CNIH3: variants seen among roughly 807,000 people sequenced by gnomAD.
CNIH3 encodes the protein protein cornichon homolog 3.
CNIH3 carries 14 observed loss-of-function variants against 24.1 expected under a neutral mutation model. That is an observed-to-expected ratio of 0.58 (90% CI 0.38 to 0.91). The LOEUF (loss-of-function observed/expected upper bound fraction) is 0.91. Ranked by LOEUF, CNIH3 falls within the 40% of genes least tolerant of loss-of-function variation. CNIH3 has a pLI of 0.00. For missense variants in CNIH3, 178 were observed against 196.8 expected, an observed-to-expected ratio of 0.90 and a Z score of 0.57; for synonymous variants, 68 against 73.8, an observed-to-expected ratio of 0.92 and a Z score of 0.40.
At chr1:224,669,843 A>G (rs183374287) in intron 1 of CNIH3, among the ~76,000 whole-genome samples, 1 of 152,314 alleles carries the variant, frequency 6.6e-6, no homozygotes, top group Admixed American at 6.5e-5. Flanking sequence ...CACCTTGCCC[A>G]TAGTCACACA....
intron 1 of CNIH3, among the ~76,000 whole-genome samples, chr1:224,453,459 GT>G (rs1163455296): frequency 1.7e-4 from 26 of 151,896 alleles, no homozygotes; most frequent in Admixed American, 1.7e-3. Flanking sequence ...AAGTGTTGGG[GT>G]TACAGACGTG....
chr1:224,619,755 TTGA>T (rs1409815665), intron 1 of CNIH3, among the ~76,000 whole-genome samples: 1 of 152,246 alleles, frequency 6.6e-6, no homozygotes, highest in African/African-American at 2.4e-5. Context: ...ACAAGGCATA[TTGA>T]TTGTGTGATA....
At chr1:224,436,065 T>C (rs1674649050) in intron 1 of CNIH3, among the ~76,000 whole-genome samples, 1 of 152,106 alleles carries the variant, frequency 6.6e-6, no homozygotes, top group South Asian at 2.1e-4. Flanking sequence ...AATCCTGAGG[T>C]TTATGGATCC....
chr1:224,652,713 A>G (rs1323008618), intron 1 of CNIH3, among the ~76,000 whole-genome samples: 1 of 152,198 alleles, frequency 6.6e-6, no homozygotes, highest in Non-Finnish European at 1.5e-5. Flanking sequence ...AGGGGGCTCC[A>G]CAGATGCCCA....
chr1:224,655,269 C>T (rs945513769), intron 1 of CNIH3, among the ~76,000 whole-genome samples: 1 of 152,066 alleles, frequency 6.6e-6, no homozygotes, highest in Non-Finnish European at 1.5e-5. Flanking sequence ...GCAATAAGTA[C>T]CCTAATAAGA....
chr1:224,518,325 T>C (rs1678479539), intron 1 of CNIH3, among the ~76,000 whole-genome samples: 1 of 152,186 alleles, frequency 6.6e-6, no homozygotes, highest in African/African-American at 2.4e-5. Context: ...TTGTCTTATT[T>C]TTTATTTTTA....
upstream of CNIH3, among the ~76,000 whole-genome samples, chr1:224,511,794 C>G (rs1180642454): frequency 6.6e-6 from 1 of 152,156 alleles, no homozygotes; most frequent in African/African-American, 2.4e-5. Context: ...GGCGAGGCTG[C>G]AGTGAGCTAT....
intron 1 of CNIH3, among the ~76,000 whole-genome samples, chr1:224,495,135 C>A (rs1051449045): frequency 2.0e-5 from 3 of 152,170 alleles, no homozygotes; most frequent in African/African-American, 7.2e-5. Flanking sequence ...GCAGGGGAGA[C>A]CTTCCTGAGA....
intron 1 of CNIH3, among the ~76,000 whole-genome samples, chr1:224,492,207 G>A (rs976594308): frequency 1.3e-5 from 2 of 152,252 alleles, no homozygotes; most frequent in Non-Finnish European, 2.9e-5. Flanking sequence ...GGCCATGACA[G>A]GAATATTTAT....
intron 3 of CNIH3, among the ~76,000 whole-genome samples, chr1:224,610,366 G>C (rs1015506699): frequency 6.6e-6 from 1 of 152,228 alleles, no homozygotes; most frequent in African/African-American, 2.4e-5. Context: ...GGTAGGAGAT[G>C]ACTGGATCAC....
At chr1:224,487,755 C>A (rs926639827) in intron 1 of CNIH3, among the ~76,000 whole-genome samples, 5 of 152,176 alleles carry the variant, frequency 3.3e-5, no homozygotes, top group African/African-American at 1.2e-4. Context: ...GATATGACAT[C>A]CCTTCTCACT....
intron 2 of CNIH3, among the ~76,000 whole-genome samples, chr1:224,531,542 A>G (rs12062406): frequency 1.5e-3 from 221 of 152,336 alleles, no homozygotes; most frequent in African/African-American, 5.0e-3. Context: ...GGCCAAGACA[A>G]CTGGAATGAG....
chr1:224,694,114 A>G (rs1360689267), intron 3 of CNIH3, among the ~76,000 whole-genome samples: 2 of 152,240 alleles, frequency 1.3e-5, no homozygotes, highest in Non-Finnish European at 2.9e-5. Context: ...GCTTCCACCC[A>G]GAGAAGTTGA....
At chr1:224,672,112 G>A (rs1382044958) in intron 1 of CNIH3, among the ~76,000 whole-genome samples, 1 of 152,160 alleles carries the variant, frequency 6.6e-6, no homozygotes, top group Non-Finnish European at 1.5e-5. Flanking sequence ...CTTGGGCTGT[G>A]GTTTGAAGAC....
rs368990545 is a variant in CNIH3, at chr1:224,530,044, G to C, written n.344-6892G>C. 9.9e-5 allele frequency among the ~76,000 whole-genome samples: 15 copies of C among 152,266 alleles called. No individual in the cohort carries two copies. The East Asian group carries it at 2.7e-3, about 27-fold the overall frequency. ...CTGCTGTTTGCTGCCCTTACATCATGCTGTGGAGGCATGGAAAACAGTCTG... is the reference window on the plus strand; with the variant it reads ...CTGCTGTTTGCTGCCCTTACATCATCCTGTGGAGGCATGGAAAACAGTCTG... On this transcript the variant is annotated intron_variant and non_coding_transcript_variant, in intron 2 of 2. Transcript: ENST00000470602.
intron 1 of CNIH3, among the ~76,000 whole-genome samples, chr1:224,642,575 A>C (rs1217465038): frequency 6.6e-6 from 1 of 152,152 alleles, no homozygotes; most frequent in Non-Finnish European, 1.5e-5. Flanking sequence ...GCGGAGGCAC[A>C]GGGAGTAAAT....
intron 1 of CNIH3, among the ~76,000 whole-genome samples, chr1:224,499,215 G>A (rs1677558355): frequency 6.6e-6 from 1 of 152,166 alleles, no homozygotes; most frequent in Non-Finnish European, 1.5e-5. Context: ...GTTGTTTGAA[G>A]CTTCTATGAC....
At chr1:224,498,131 C>T (rs546424344) in intron 1 of CNIH3, among the ~76,000 whole-genome samples, 2 of 152,286 alleles carry the variant, frequency 1.3e-5, no homozygotes, top group South Asian at 2.1e-4. Context: ...GATTCAGGGC[C>T]CATCTGGCCT....
At chr1:224,460,661 A>G (rs1215600186) in intron 1 of CNIH3, among the ~76,000 whole-genome samples, 1 of 152,184 alleles carries the variant, frequency 6.6e-6, no homozygotes, top group Non-Finnish European at 1.5e-5. Flanking sequence ...GATCACTTCC[A>G]ATATTTGGCT....
Sources: gnomAD v4.1 joint callset for allele counts (sites outside exome capture counted in the v4.1 genomes callset) on GRCh38, gnomAD v4.1.1 for gene constraint, MANE v1.5 for transcripts, NCBI Gene and HGNC (gene_info 2026-07-23, HGNC 2026-07-21) for gene names.